ANAPC5: variants seen among roughly 807,000 people sequenced by gnomAD.
The protein encoded by ANAPC5 is anaphase-promoting complex subunit 5.
A neutral mutation model predicts 91.3 loss-of-function variants in ANAPC5; 60 were observed. The ratio of observed to expected loss-of-function variants is 0.66; its 90% confidence interval spans 0.53 to 0.81. The LOEUF is 0.81. Ranked by LOEUF, ANAPC5 falls within the 40% of genes least tolerant of loss-of-function variation. ANAPC5 has a pLI of 0.00. For missense variants in ANAPC5, 690 were observed against 931.5 expected (o/e 0.74, Z 3.37); for synonymous variants, 340 against 364.1 (o/e 0.93, Z 0.75).
At chr12:121,337,684 G>A (rs951709393) in intron 5 of ANAPC5, among the ~76,000 whole-genome samples, 3 of 152,014 alleles carry the variant, frequency 2.0e-5, no homozygotes, top group South Asian at 2.1e-4. Flanking sequence ...GCAAACCGAC[G>A]CCCATGCCTA....
chr12:121,339,052 T>C (rs1002099355), intron 5 of ANAPC5, among the ~76,000 whole-genome samples: 11 of 148,808 alleles, frequency 7.4e-5, no homozygotes. Context: ...TGACTTTTTT[T>C]TCTTTTTTTT....
At position 121,337,401 on chromosome 12, in the gene ANAPC5, TA is replaced by T; in HGVS notation, c.658-10del. 1 of 1,584,088 alleles carries T rather than the reference TA, an allele frequency of 6.3e-7. No individual in the cohort carries two copies. The highest frequency in any genetic ancestry group is 8.7e-7 in the Non-Finnish European group (1 of 1,153,710). On this transcript the variant is annotated splice_polypyrimidine_tract_variant and intron_variant, in intron 5 of 16. Coordinates refer to ENST00000261819, the MANE Select transcript of ANAPC5 (RefSeq NM_016237.5). ...TTCTTTAGCAAAGAAGCCTGAAATTTAAAAATGGTAACTCAGTAGAAAGAAA... is the reference window on the plus strand; with the variant it reads ...TTCTTTAGCAAAGAAGCCTGAAATTTAAAATGGTAACTCAGTAGAAAGAAA...
chr12:121,339,872 T>G (rs1418450702), intron 5 of ANAPC5, among the ~76,000 whole-genome samples: 5 of 133,334 alleles, frequency 3.7e-5, no homozygotes, highest in Non-Finnish European at 7.6e-5. Context: ...CTTCCAGTTT[T>G]TTTTTTTTTT....
intron 12 of ANAPC5, 59 bp downstream of exon 12, chr12:121,320,323 ATAT>A: frequency 1.3e-6 from 2 of 1,516,774 alleles, no homozygotes; most frequent in South Asian, 1.1e-5. Context: ...GTCCCACTTT[ATAT>A]TATAATAAAA....
At chr12:121,335,502 T>G (rs782498102) in intron 7 of ANAPC5, 31 bp downstream of exon 7, 2 of 1,554,546 alleles carry the variant, frequency 1.3e-6, no homozygotes, top group Non-Finnish European at 1.7e-6. Flanking sequence ...GTTCCTTCAA[T>G]TTGCGCAAGG....
chr12:121,346,128 T>C (rs1235559708), intron 3 of ANAPC5, 97 bp from the exon 4 acceptor site: 1 of 1,004,408 alleles, frequency 1.0e-6, no homozygotes, highest in Non-Finnish European at 1.5e-6. Context: ...GCTGGAATTC[T>C]TCCTTCAGAA....
At chr12:121,318,640 T>G (rs758057057) in intron 13 of ANAPC5, 32 bp from the exon 14 acceptor site, 24 of 1,542,694 alleles carry the variant, frequency 1.6e-5, no homozygotes, top group Non-Finnish European at 2.1e-5. Flanking sequence ...CACAAGTGTT[T>G]TAACTAGTCA....
intron 1 of ANAPC5, among the ~76,000 whole-genome samples, chr12:121,348,483 G>A (rs1903756473): frequency 6.6e-6 from 1 of 152,134 alleles, no homozygotes; most frequent in Admixed American, 6.5e-5. Context: ...TGGCCAACAT[G>A]GCAAAACCCC....
At chr12:121,353,254 T>G (rs575866892), upstream of ANAPC5, among the ~76,000 whole-genome samples, 54 of 152,176 alleles carry the variant, frequency 3.5e-4, no homozygotes, top group Non-Finnish European at 1.8e-4. Context: ...AGCCAACATT[T>G]TGAACCTGAT....
intron 11 of ANAPC5, among the ~76,000 whole-genome samples, chr12:121,324,278 G>GTA (rs1196794595): frequency 2.0e-5 from 3 of 151,924 alleles, no homozygotes; most frequent in South Asian, 2.1e-4. Flanking sequence ...AGCCCAGTAA[G>GTA]TATATATATA....
chr12:121,331,529 T>G, intron 7 of ANAPC5, 101 bp from the exon 8 acceptor site: 1 of 964,736 alleles, frequency 1.0e-6, no homozygotes, highest in East Asian at 2.6e-5. Context: ...AATGCAGGTC[T>G]CTGGGTTGGA....
intron 5 of ANAPC5, among the ~76,000 whole-genome samples, chr12:121,339,953 T>G (rs1299775989): frequency 2.1e-5 from 3 of 142,808 alleles, no homozygotes; most frequent in Non-Finnish European, 4.5e-5. Flanking sequence ...CTCGGCTCAC[T>G]GTAACCTCCA....
At chr12:121,316,058 T>C (rs1458804001) in intron 15 of ANAPC5, among the ~76,000 whole-genome samples, 2 of 152,306 alleles carry the variant, frequency 1.3e-5, no homozygotes, top group East Asian at 1.9e-4. Flanking sequence ...AAGGGTCTAG[T>C]ATCCACAATA....
At chr12:121,337,231 CAAAA>C in intron 6 of ANAPC5, 56 bp downstream of exon 6, 1 of 1,398,752 alleles carries the variant, frequency 7.1e-7, no homozygotes. Context: ...AACAAACAAA[CAAAA>C]AAAGTTGCCT....
chr12:121,349,720 ATTT>A (rs11408254), intron 1 of ANAPC5, among the ~76,000 whole-genome samples: 2 of 138,296 alleles, frequency 1.4e-5, no homozygotes, highest in African/African-American at 2.7e-5. Context: ...CACTGTTTCT[ATTT>A]TTTTTTTTTT....
chr12:121,339,870 T>G (rs1903376921), intron 5 of ANAPC5, among the ~76,000 whole-genome samples: 1 of 129,078 alleles, frequency 7.7e-6, no homozygotes, highest in Non-Finnish European at 1.5e-5. Context: ...TTCTTCCAGT[T>G]TTTTTTTTTT....
chr12:121,353,991 T>A (rs1356044706), upstream of ANAPC5, among the ~76,000 whole-genome samples: 13 of 151,376 alleles, frequency 8.6e-5, no homozygotes, highest in African/African-American at 3.2e-4. Flanking sequence ...GCTAATTTTT[T>A]TTTTTTTTTT....
intron 11 of ANAPC5, among the ~76,000 whole-genome samples, chr12:121,321,581 G>T (rs1593581985): frequency 6.7e-6 from 1 of 149,730 alleles, no homozygotes; most frequent in South Asian, 2.1e-4. Context: ...ACCCAGGCTG[G>T]AGTGCAGTGG....
Position 121,331,292 on chromosome 12 carries a change from G to A in ANAPC5, c.1032+55C>T, listed in dbSNP as rs1212659953. On this transcript the variant is annotated intron_variant, in intron 8 of 16. Transcript: ENST00000261819. The stretch of plus-strand genomic sequence containing the variant: ...AAACAACCCAATTCAACGGGGCCTT[G>A]TGAAGGCCAATTCAACCCGTGAACA... 2.7e-6 allele frequency: 4 copies of A among 1,463,480 alleles called. No homozygotes were observed. In the African/African-American group the frequency reaches 5.5e-5, roughly 20 times the overall value. The allele number at this position is 1,463,480 out of a possible 1,614,324, so 90.7% of individuals were successfully genotyped here.
Sources: gnomAD v4.1 joint callset for allele counts (sites outside exome capture counted in the v4.1 genomes callset) on GRCh38, gnomAD v4.1.1 for gene constraint, MANE v1.5 for transcripts, NCBI Gene and HGNC (gene_info 2026-07-23, HGNC 2026-07-21) for gene names.